Variants in UMAD1 observed in about 807,000 individuals in gnomAD.
UMAD1 encodes the protein UBAP1-MVB12-associated (UMA)-domain containing protein 1.
UMAD1 carries 8 observed loss-of-function variants against 6.1 expected under a neutral mutation model. The ratio of observed to expected loss-of-function variants is 1.30; its 90% confidence interval spans 0.76 to 2.35. The LOEUF (loss-of-function observed/expected upper bound fraction) is 2.35. Ranked by LOEUF, UMAD1 falls within the 30% of genes most tolerant of loss-of-function variation. UMAD1 has a pLI of 0.00. For missense variants in UMAD1, 130 were observed against 78.4 expected (o/e 1.66, Z -2.49); for synonymous variants, 56 against 31.4 (o/e 1.78, Z -2.61).
chr7:7,740,373 G>A (rs551384004), intron 2 of UMAD1, among the ~76,000 whole-genome samples: 1 of 152,280 alleles, frequency 6.6e-6, no homozygotes, highest in African/African-American at 2.4e-5. Context: ...AAATGGAATT[G>A]CAAGATTACT....
At chr7:7,846,615 T>G (rs1293971956) in intron 3 of UMAD1, among the ~76,000 whole-genome samples, 2 of 152,122 alleles carry the variant, frequency 1.3e-5, no homozygotes, top group African/African-American at 4.8e-5. Context: ...TTGATATGTT[T>G]TGATGGCTAT....
intron 3 of UMAD1, among the ~76,000 whole-genome samples, chr7:7,860,604 C>CA (rs373823869): frequency 0.021 from 1,960 of 93,798 alleles, 35 homozygotes; most frequent in African/African-American, 0.055. Context: ...ACTAAAAATA[C>CA]AAAAAAAAAA....
At chr7:7,700,171 TG>T (rs1780425085) in intron 2 of UMAD1, among the ~76,000 whole-genome samples, 1 of 152,186 alleles carries the variant, frequency 6.6e-6, no homozygotes, top group South Asian at 2.1e-4. Context: ...ATCAAGGCAT[TG>T]GCAAATAGGC....
Position 7,810,673 on chromosome 7 carries a change from A to G in UMAD1, c.156+8930A>G, listed in dbSNP as rs573486546. On this transcript the variant is annotated intron_variant, in intron 3 of 3. Transcript: ENST00000682710. ...TTCTTTCCAGTGTTCTGATCTTCCA[A>G]TTTGTCTATAATGAATGTATCTTAT... is the stretch of plus-strand genomic sequence containing the variant. Among the ~76,000 whole-genome samples, 3 of 152,222 alleles carry G rather than the reference A, an allele frequency of 2.0e-5. No individual in the cohort carries two copies. The East Asian group carries it at 5.8e-4, about 29-fold the overall frequency.
intron 3 of UMAD1, among the ~76,000 whole-genome samples, chr7:7,865,290 T>G (rs1784204711): frequency 6.6e-6 from 1 of 152,206 alleles, no homozygotes; most frequent in Non-Finnish European, 1.5e-5. Context: ...GGGTTTGGGC[T>G]ACCTCCAGGA....
chr7:7,776,150 TAAAAAAC>T (rs1292281809), intron 2 of UMAD1, among the ~76,000 whole-genome samples: 1 of 151,516 alleles, frequency 6.6e-6, no homozygotes, highest in East Asian at 1.9e-4. Flanking sequence ...AAACCTGACT[TAAAAAAC>T]AAAACAAAAC....
intron 1 of UMAD1, among the ~76,000 whole-genome samples, chr7:7,656,036 T>C (rs1045483603): frequency 3.0e-4 from 45 of 152,252 alleles, no homozygotes; most frequent in African/African-American, 9.4e-4. Context: ...GGTTTCTCCA[T>C]GTTGGTCAGG....
In UMAD1 at chr7:7,878,949, T is replaced by C. The variant is rs1220740505; in HGVS notation, c.*1411T>C. 1 of 152,206 alleles carries C rather than the reference T, an allele frequency of 6.6e-6. No homozygotes were observed. The highest frequency in any genetic ancestry group is 1.5e-5 in the Non-Finnish European group (1 of 68,014). 9.4% of individuals were successfully genotyped at this position (152,206 alleles called of 1,614,324 possible). On this transcript the variant is annotated 3_prime_UTR_variant, in exon 4 of 4. Transcript: ENST00000682710. ...CATCAGTCTAGGAAATATGACTTAT[T>C]ACTGATGCAAACGTGAACATTTTGT...
At chr7:7,780,606 C>T (rs1447085646) in intron 2 of UMAD1, among the ~76,000 whole-genome samples, 2 of 152,158 alleles carry the variant, frequency 1.3e-5, no homozygotes, top group Non-Finnish European at 2.9e-5. Flanking sequence ...CTAGAATCTC[C>T]TCCCAACCCA....
intron 1 of UMAD1, among the ~76,000 whole-genome samples, chr7:7,672,493 T>G (rs1426879807): frequency 6.6e-6 from 1 of 152,186 alleles, no homozygotes; most frequent in African/African-American, 2.4e-5. Context: ...TTTGGTTCTT[T>G]GTCCCCACCC....
intron 2 of UMAD1, chr7:7,736,738 A>G (rs564703871): frequency 8.5e-5 from 13 of 152,370 alleles, no homozygotes; most frequent in African/African-American, 2.9e-4. Context: ...TGACTGAGAA[A>G]ATAAGAAGCA....
chr7:7,783,058 T>C (rs10275856), intron 2 of UMAD1, among the ~76,000 whole-genome samples: 81,717 of 151,904 alleles, frequency 0.54, 23,959 homozygotes, highest in Non-Finnish European at 0.66. Flanking sequence ...TATGTGGACC[T>C]ACATACTCAC....
At chr7:7,812,706 T>G (rs1783043898) in intron 3 of UMAD1, among the ~76,000 whole-genome samples, 1 of 152,208 alleles carries the variant, frequency 6.6e-6, no homozygotes, top group Non-Finnish European at 1.5e-5. Context: ...TGTCATTGTT[T>G]CCAGTTTCTA....
intron 2 of UMAD1, among the ~76,000 whole-genome samples, chr7:7,697,402 AT>A (rs1780347372): frequency 6.6e-6 from 1 of 152,194 alleles, no homozygotes; most frequent in South Asian, 2.1e-4. Flanking sequence ...TAAATTATCC[AT>A]TTTATTTCAT....
chr7:7,809,745 G>A (rs1240271646), intron 3 of UMAD1, among the ~76,000 whole-genome samples: 1 of 151,922 alleles, frequency 6.6e-6, no homozygotes, highest in Non-Finnish European at 1.5e-5. Context: ...TCTGAAAAAA[G>A]TATGAGATGC....
chr7:7,779,764 C>T (rs1402039146), intron 2 of UMAD1, among the ~76,000 whole-genome samples: 2 of 152,166 alleles, frequency 1.3e-5, no homozygotes, highest in Non-Finnish European at 2.9e-5. Flanking sequence ...CCCACCTCAG[C>T]CTCTAGAATA....
At chr7:7,648,910 G>C (rs938754390) in intron 1 of UMAD1, among the ~76,000 whole-genome samples, 1 of 151,904 alleles carries the variant, frequency 6.6e-6, no homozygotes, top group African/African-American at 2.4e-5. Context: ...TGTAATCCCA[G>C]CACTTTGGGA....
Position 7,801,754 on chromosome 7 carries a change from C to A in UMAD1, c.156+11C>A. The stretch of plus-strand genomic sequence containing the variant: ...AACCAACCTTTGGAGGTAAGTGAAA[C>A]AGAGTAAGTCCTTTTCGGTGAAACT... On this transcript the variant is annotated intron_variant, in intron 3 of 3. Coordinates refer to ENST00000682710, the MANE Select transcript of UMAD1 (RefSeq NM_001302348.2). The A allele has an allele frequency of 1.4e-6, 1 of 717,460 alleles. No homozygotes were observed. Among genetic ancestry groups the A allele is most frequent in the Admixed American group, 2.0e-5 (1 of 49,838 alleles). The allele number at this position is 717,460 out of a possible 1,614,324, so 44.4% of individuals were successfully genotyped here.
intron 3 of UMAD1, among the ~76,000 whole-genome samples, chr7:7,836,343 T>C (rs909378869): frequency 3.9e-5 from 6 of 152,056 alleles, no homozygotes; most frequent in Admixed American, 2.0e-4. Context: ...AAAAGTCTTA[T>C]GTTATAATCT....
Sources: allele counts gnomAD v4.1 joint callset (sites outside exome capture counted in the v4.1 genomes callset), GRCh38; gene constraint gnomAD v4.1.1; transcripts MANE v1.5; gene names NCBI Gene and HGNC (gene_info 2026-07-23, HGNC 2026-07-21).